Variants in CNTN4 observed in about 807,000 individuals in gnomAD.
The protein encoded by CNTN4 is contactin-4.
In CNTN4, 77 loss-of-function variants were observed where a neutral mutation model predicts 122.5. The observed-to-expected ratio is 0.63, with a 90% CI of 0.52 to 0.76. The LOEUF (loss-of-function observed/expected upper bound fraction) is 0.76. Among genes scored for constraint, CNTN4 ranks in the 30% least tolerant of loss-of-function variants. The pLI is 0.00. For synonymous variants in CNTN4, 512 were observed against 447.0 expected, an observed-to-expected ratio of 1.15 and a Z score of -1.83; for missense variants, 1,256 against 1,259.1, an observed-to-expected ratio of 1.00 and a Z score of 0.04.
At chr3:2,353,926 C>CA (rs144514411) in intron 3 of CNTN4, among the ~76,000 whole-genome samples, 2 of 151,456 alleles carry the variant, frequency 1.3e-5, no homozygotes, top group Admixed American at 6.6e-5. Context: ...AACAAACAAA[C>CA]AAAAAAAACA....
chr3:2,859,772 CA>C (rs918239229), intron 7 of CNTN4, among the ~76,000 whole-genome samples: 5 of 152,166 alleles, frequency 3.3e-5, no homozygotes, highest in African/African-American at 9.7e-5. Context: ...GTCATATACT[CA>C]TATTTGGCTT....
At chr3:2,107,479 A>G (rs2032547012) in intron 2 of CNTN4, among the ~76,000 whole-genome samples, 2 of 152,148 alleles carry the variant, frequency 1.3e-5, no homozygotes, top group African/African-American at 2.4e-5. Flanking sequence ...TAAAACGATC[A>G]GATCTCGTGA....
intron 4 of CNTN4, among the ~76,000 whole-genome samples, chr3:2,706,147 C>T (rs754001023): frequency 6.6e-6 from 1 of 150,818 alleles, no homozygotes; most frequent in Non-Finnish European, 1.5e-5. Context: ...CAAATGACTA[C>T]AGAAAATCAT....
At chr3:2,441,759 C>A (rs1221437347) in intron 3 of CNTN4, among the ~76,000 whole-genome samples, 1 of 152,146 alleles carries the variant, frequency 6.6e-6, no homozygotes, top group African/African-American at 2.4e-5. Context: ...CCCAAGGACA[C>A]TGGCAACGTG....
At chr3:3,037,955 G>A (rs571950488) in intron 18 of CNTN4, among the ~76,000 whole-genome samples, 118 of 152,296 alleles carry the variant, frequency 7.7e-4, no homozygotes, top group African/African-American at 2.8e-3. Flanking sequence ...CTTAGCTGGT[G>A]TAAAGCAAGA....
chr3:3,044,648 T>C lies in CNTN4; in HGVS notation c.2811+944T>C, dbSNP rs758380555. On this transcript the variant is annotated intron_variant, in intron 23 of 24. Coordinates refer to ENST00000418658, the MANE Select transcript of CNTN4 (RefSeq NM_175607.3). ...CGTGGGCAGTTCCAAGATGGCCAAA[T>C]AGGAACAGCTCCAGTCTATAGCTCC... Among the ~76,000 whole-genome samples, 30 of 152,190 alleles carry C rather than the reference T, an allele frequency of 2.0e-4. 1 individual carries two copies.
intron 4 of CNTN4, among the ~76,000 whole-genome samples, chr3:2,607,137 G>A (rs980131647): frequency 2.0e-5 from 3 of 151,984 alleles, no homozygotes; most frequent in Non-Finnish European, 4.4e-5. Context: ...CCTTTTTTTG[G>A]CATCTGGTTC....
At chr3:2,748,675 A>G (rs937534678) in intron 6 of CNTN4, among the ~76,000 whole-genome samples, 1 of 152,192 alleles carries the variant, frequency 6.6e-6, no homozygotes, top group Non-Finnish European at 1.5e-5. Context: ...AAGTAGTGAG[A>G]ATCTTTGCTA....
intron 14 of CNTN4, among the ~76,000 whole-genome samples, chr3:3,023,955 C>G (rs1158109441): frequency 6.6e-6 from 1 of 152,136 alleles, no homozygotes; most frequent in Non-Finnish European, 1.5e-5. Context: ...AGACATCAGT[C>G]TGCTCATTTG....
At position 2,270,228 on chromosome 3, in the gene CNTN4, C is replaced by T. The variant is rs1403602108; in HGVS notation, c.-144-68950C>T. 6.7e-5 allele frequency among the ~76,000 whole-genome samples: 10 copies of T among 148,536 alleles called. 2 individuals are homozygous for T. The highest frequency in any genetic ancestry group is 2.5e-4 in the African/African-American group (10 of 40,670). On this transcript the variant is annotated intron_variant, in intron 2 of 24. Coordinates refer to ENST00000418658, the MANE Select transcript of CNTN4 (RefSeq NM_175607.3). ...CCTCCCAAAGTGCTGGGATTACAGG[C>T]GTGAGCCACCGCGCCCGGCCTATTT...
At position 2,571,475 on chromosome 3, in the gene CNTN4, G is replaced by A. The variant is rs752180644; in HGVS notation, c.-29G>A. 8.2e-6 allele frequency: 13 copies of A among 1,584,622 alleles called. No homozygotes were observed. In the South Asian group the frequency reaches 1.4e-4, roughly 18 times the overall value. ...ATTCTATTCGCTTGTTATTGGACTT[G>A]AAACTCCCTTTGACCTCGGAAACTG... On this transcript the variant is annotated 5_prime_UTR_variant, in exon 4 of 25. Coordinates refer to ENST00000418658, the MANE Select transcript of CNTN4 (RefSeq NM_175607.3).
At chr3:2,168,168 A>C (rs866691017) in intron 2 of CNTN4, among the ~76,000 whole-genome samples, 6 of 152,316 alleles carry the variant, frequency 3.9e-5, no homozygotes, top group Middle Eastern at 3.4e-3. Flanking sequence ...CTACAAATGT[A>C]GACTGTATAT....
intron 2 of CNTN4, among the ~76,000 whole-genome samples, chr3:2,232,181 C>T (rs2039512307): frequency 6.6e-6 from 1 of 151,940 alleles, no homozygotes; most frequent in Non-Finnish European, 1.5e-5. Context: ...ATGACCTGAA[C>T]CAGAAATTGT....
chr3:2,836,470 A>G lies in CNTN4; in HGVS notation c.454+16889A>G, dbSNP rs1158694163. ...GGTAATACATGTAGGCACTATTTTA[A>G]AAGTTTTACATATATTAACTCATTT... On this transcript the variant is annotated intron_variant, in intron 7 of 24. Transcript: ENST00000418658. Among the ~76,000 whole-genome samples, 5 of 152,132 alleles carry G rather than the reference A, an allele frequency of 3.3e-5. No individual in the cohort carries two copies. In the East Asian group the frequency reaches 7.7e-4, roughly 23 times the overall value.
At chr3:2,982,960 A>C (rs1335168017) in intron 13 of CNTN4, among the ~76,000 whole-genome samples, 1 of 152,134 alleles carries the variant, frequency 6.6e-6, no homozygotes, top group South Asian at 2.1e-4. Context: ...TCACGCCTGT[A>C]ATCCCAGCAC....
intron 2 of CNTN4, among the ~76,000 whole-genome samples, chr3:2,195,677 A>G (rs1053064803): frequency 2.0e-5 from 3 of 152,220 alleles, no homozygotes; most frequent in Non-Finnish European, 2.9e-5. Flanking sequence ...ATTCCAGAAT[A>G]TCGGTAAGCC....
chr3:2,298,792 G>C (rs902266928), intron 2 of CNTN4, among the ~76,000 whole-genome samples: 4 of 151,960 alleles, frequency 2.6e-5, no homozygotes, highest in African/African-American at 9.7e-5. Context: ...AGCATGGAAT[G>C]AGTATTGTTT....
At chr3:2,604,279 G>A (rs2081168567) in intron 4 of CNTN4, among the ~76,000 whole-genome samples, 1 of 152,094 alleles carries the variant, frequency 6.6e-6, no homozygotes, top group Non-Finnish European at 1.5e-5. Flanking sequence ...TCCCTGACTT[G>A]ATGCCTCTTC....
chr3:2,914,570 G>T (rs1459849316), intron 12 of CNTN4, among the ~76,000 whole-genome samples: 1 of 152,150 alleles, frequency 6.6e-6, no homozygotes, highest in Non-Finnish European at 1.5e-5. Context: ...ACATACAACT[G>T]CTTAAGACTG....
Sources: gnomAD v4.1 joint callset for allele counts (sites outside exome capture counted in the v4.1 genomes callset) on GRCh38, gnomAD v4.1.1 for gene constraint, MANE v1.5 for transcripts, NCBI Gene and HGNC (gene_info 2026-07-23, HGNC 2026-07-21) for gene names.